Variants in EYA1 observed in about 807,000 individuals in gnomAD.
EYA1 encodes EYA transcriptional coactivator and phosphatase 1, also known as protein phosphatase EYA1.
In EYA1, 16 loss-of-function variants were observed where a neutral mutation model predicts 82.0. The observed-to-expected ratio is 0.20, with a 90% CI of 0.13 to 0.30. The LOEUF (loss-of-function observed/expected upper bound fraction) is 0.30, where lower values mean the gene tolerates loss of function less well. Ranked by LOEUF, EYA1 falls within the 10% of genes least tolerant of loss-of-function variation. The pLI is 1.00. For missense variants in EYA1, 633 were observed against 730.7 expected, an observed-to-expected ratio of 0.87 and a Z score of 1.54; for synonymous variants, 261 against 264.4, an observed-to-expected ratio of 0.99 and a Z score of 0.12.
chr8:71,297,866 A>G (rs531242587), intron 9 of EYA1, among the ~76,000 whole-genome samples: 3 of 152,324 alleles, frequency 2.0e-5, no homozygotes, highest in Admixed American at 2.0e-4. Context: ...AGTTTTTGGA[A>G]AATAAAGATA....
intron 17 of EYA1, among the ~76,000 whole-genome samples, chr8:71,205,233 G>T (rs1807611083): frequency 6.6e-6 from 1 of 152,026 alleles, no homozygotes; most frequent in African/African-American, 2.4e-5. Flanking sequence ...ATAAACAAGA[G>T]ATTTATTTTA....
intron 2 of EYA1, among the ~76,000 whole-genome samples, chr8:71,450,666 G>C (rs1351768065): frequency 6.6e-6 from 1 of 152,156 alleles, no homozygotes; most frequent in African/African-American, 2.4e-5. Context: ...ACTAGCTTGA[G>C]GCAGGCTTGC....
chr8:71,430,871 G>A (rs1305806303), intron 2 of EYA1, among the ~76,000 whole-genome samples: 1 of 148,680 alleles, frequency 6.7e-6, no homozygotes, highest in African/African-American at 2.5e-5. Context: ...AACACAGGTA[G>A]TTGGAAATAA....
upstream of EYA1, among the ~76,000 whole-genome samples, chr8:71,367,064 A>G (rs186690046): frequency 8.6e-4 from 131 of 152,298 alleles, 1 homozygote; most frequent in Admixed American, 1.8e-3. Flanking sequence ...TAGAGAAAAA[A>G]TCCTTGAACT....
intron 2 of EYA1, among the ~76,000 whole-genome samples, chr8:71,444,857 A>G (rs1054407064): frequency 1.3e-5 from 2 of 152,210 alleles, no homozygotes; most frequent in African/African-American, 2.4e-5. Flanking sequence ...TTAGAAAAAT[A>G]TTCCTCAAGA....
intron 2 of EYA1, among the ~76,000 whole-genome samples, chr8:71,454,231 T>A (rs1020610588): frequency 5.9e-5 from 9 of 152,186 alleles, no homozygotes; most frequent in African/African-American, 2.2e-4. Flanking sequence ...CTATGCTAAA[T>A]ATATATGCAC....
At chr8:71,266,657 GC>G (rs1563724415) in intron 11 of EYA1, among the ~76,000 whole-genome samples, 1 of 151,994 alleles carries the variant, frequency 6.6e-6, no homozygotes, top group East Asian at 1.9e-4. Context: ...ACTCCAAGGA[GC>G]CTCTAACCCT....
At chr8:71,243,973 T>A (rs1812779725) in intron 12 of EYA1, among the ~76,000 whole-genome samples, 1 of 152,246 alleles carries the variant, frequency 6.6e-6, no homozygotes, top group African/African-American at 2.4e-5. Flanking sequence ...TCATATTTTC[T>A]CATAATGGAG....
intron 1 of EYA1, among the ~76,000 whole-genome samples, chr8:71,359,328 G>A (rs555102512): frequency 3.3e-5 from 5 of 151,938 alleles, no homozygotes; most frequent in South Asian, 4.2e-4. Context: ...ATAGTACTTC[G>A]CCAATCCATT....
At chr8:71,420,274 TG>T (rs1831076865) in intron 2 of EYA1, among the ~76,000 whole-genome samples, 1 of 152,190 alleles carries the variant, frequency 6.6e-6, no homozygotes. Flanking sequence ...GTAATTCACA[TG>T]GGTGCATGCA....
intron 7 of EYA1, among the ~76,000 whole-genome samples, chr8:71,306,045 A>C (rs1013046796): frequency 6.6e-6 from 1 of 152,158 alleles, no homozygotes; most frequent in African/African-American, 2.4e-5. Flanking sequence ...AGATGACACA[A>C]AGAACATCAC....
intron 7 of EYA1, among the ~76,000 whole-genome samples, chr8:71,305,138 A>T (rs1820586460): frequency 7.0e-6 from 1 of 143,200 alleles, no homozygotes; most frequent in African/African-American, 2.5e-5. Context: ...TGGTCACAGA[A>T]TTATTTGTAA....
chr8:71,354,675 G>A, intron 3 of EYA1, 107 bp downstream of exon 3: 3 of 1,074,242 alleles, frequency 2.8e-6, no homozygotes, highest in Non-Finnish European at 4.3e-6. Flanking sequence ...GGAAATATAA[G>A]AGTAGTTTTA....
intron 2 of EYA1, among the ~76,000 whole-genome samples, chr8:71,386,509 G>C (rs999028429): frequency 6.6e-6 from 1 of 152,156 alleles, no homozygotes; most frequent in Non-Finnish European, 1.5e-5. Flanking sequence ...AACACTGTAT[G>C]GACCAACATT....
At chr8:71,484,457 G>A (rs1810409382) in intron 2 of EYA1, among the ~76,000 whole-genome samples, 1 of 152,176 alleles carries the variant, frequency 6.6e-6, no homozygotes, top group Non-Finnish European at 1.5e-5. Flanking sequence ...TGGCTGTAAT[G>A]GCTTGGTTAT....
chr8:71,259,260 T>C (rs1417498651), intron 11 of EYA1, among the ~76,000 whole-genome samples: 2 of 152,114 alleles, frequency 1.3e-5, no homozygotes, highest in African/African-American at 2.4e-5. Context: ...CACAGCAGAC[T>C]GGAGATGCCC....
chr8:71,344,616 C>T (rs1411102274), intron 3 of EYA1, among the ~76,000 whole-genome samples: 1 of 152,110 alleles, frequency 6.6e-6, no homozygotes, highest in African/African-American at 2.4e-5. Flanking sequence ...GCCAAAAAGC[C>T]CAGTGTTTTA....
At chr8:71,460,548 T>G (rs191823380) in intron 2 of EYA1, among the ~76,000 whole-genome samples, 75 of 152,242 alleles carry the variant, frequency 4.9e-4, no homozygotes, top group African/African-American at 1.7e-3. Flanking sequence ...AGAAACTAAT[T>G]CAACCCAAAG....
intron 2 of EYA1, among the ~76,000 whole-genome samples, chr8:71,443,534 G>T (rs1287599449): frequency 6.6e-6 from 1 of 152,128 alleles, no homozygotes; most frequent in East Asian, 1.9e-4. Flanking sequence ...ACCCTCCTTG[G>T]CCTCCCAAAG....
Sources: allele counts gnomAD v4.1 joint callset (sites outside exome capture counted in the v4.1 genomes callset), GRCh38; gene constraint gnomAD v4.1.1; transcripts MANE v1.5; gene names NCBI Gene and HGNC (gene_info 2026-07-23, HGNC 2026-07-21).